The following HRH1 variants were observed in gnomAD, a reference collection of about 807,000 sequenced individuals.
The protein encoded by HRH1 is histamine receptor H1.
In HRH1, 6 loss-of-function variants were observed where a neutral mutation model predicts 10.3. The observed-to-expected ratio is 0.58, with a 90% CI of 0.32 to 1.15. The LOEUF (loss-of-function observed/expected upper bound fraction) is 1.15, where lower values mean the gene tolerates loss of function less well. HRH1 is among the 50% of genes most tolerant of loss of function. The pLI, the probability that HRH1 is intolerant of heterozygous loss-of-function variation, is 0.05. For missense variants in HRH1, 514 were observed against 615.3 expected, an observed-to-expected ratio of 0.84 and a Z score of 1.74; for synonymous variants, 242 against 236.7, an observed-to-expected ratio of 1.02 and a Z score of -0.21.
At chr3:11,250,034 CTTTTTTTTTTTTT>C (rs71055856) in intron 1 of HRH1, among the ~76,000 whole-genome samples, 2 of 60,764 alleles carry the variant, frequency 3.3e-5, no homozygotes, top group Admixed American at 2.4e-4. Context: ...AAGCTTTTCT[CTTTTTTTTTTTTT>C]TTTTTTTTTT....
At position 11,262,822 on chromosome 3, in the gene HRH1, A is replaced by G. The variant is rs202169608; in HGVS notation, c.*2321A>G. On this transcript the variant is annotated 3_prime_UTR_variant, in exon 2 of 2. Coordinates refer to ENST00000431010, the MANE Select transcript of HRH1 (RefSeq NM_001098212.2). ...TACCAGCGTCTAAGGAACAAGGTCT[A>G]TGCATTATTGTATACAGTGTCTCTA... The G allele has an allele frequency of 1.2e-5, 2 of 167,150 alleles. No homozygotes were observed. Among genetic ancestry groups the G allele is most frequent in the African/African-American group, 4.8e-5 (2 of 41,480 alleles). The allele number at this position is 167,150 out of a possible 1,614,324, so 10.4% of individuals were successfully genotyped here. A position where few individuals can be genotyped will look rare whatever the true frequency, so the allele number is the denominator to read the frequency against.
intron 1 of HRH1, among the ~76,000 whole-genome samples, chr3:11,231,163 T>A (rs758043640): frequency 2.6e-5 from 4 of 152,226 alleles, no homozygotes. Flanking sequence ...TCCAAGTTGA[T>A]GGGAATAGGA....
chr3:11,153,493 C>T (rs1406042104), upstream of HRH1, among the ~76,000 whole-genome samples: 2 of 151,926 alleles, frequency 1.3e-5, no homozygotes, highest in Non-Finnish European at 2.9e-5. Flanking sequence ...CCCCTCTGAC[C>T]CCCACCCCCA....
At chr3:11,222,590 T>G (rs1575024595) in intron 1 of HRH1, among the ~76,000 whole-genome samples, 1 of 150,978 alleles carries the variant, frequency 6.6e-6, no homozygotes. Context: ...AAAGCAGGAG[T>G]GAAGCAGATA....
At chr3:11,237,830 C>T (rs1939228758) in intron 1 of HRH1, among the ~76,000 whole-genome samples, 1 of 151,908 alleles carries the variant, frequency 6.6e-6, no homozygotes, top group African/African-American at 2.4e-5. Context: ...CATGCGCCAC[C>T]ACGCCCTGCT....
intron 1 of HRH1, among the ~76,000 whole-genome samples, chr3:11,223,058 G>A (rs749069399): frequency 2.0e-5 from 3 of 151,752 alleles, no homozygotes; most frequent in Non-Finnish European, 2.9e-5. Flanking sequence ...GGTGGCGCGT[G>A]CCTGTAGTCC....
chr3:11,249,952 T>A (rs1349510769), intron 1 of HRH1, among the ~76,000 whole-genome samples: 2 of 151,754 alleles, frequency 1.3e-5, no homozygotes, highest in Admixed American at 6.6e-5. Context: ...TTGAGGTGAG[T>A]TAGACTTAGT....
intron 1 of HRH1, among the ~76,000 whole-genome samples, chr3:11,218,681 T>G (rs1192116073): frequency 6.6e-6 from 1 of 151,698 alleles, no homozygotes; most frequent in African/African-American, 2.4e-5. Context: ...GTTCAAGTGA[T>G]TCTCCTGCCT....
chr3:11,187,943 T>A (rs191629702), intron 1 of HRH1, among the ~76,000 whole-genome samples: 4 of 152,354 alleles, frequency 2.6e-5, no homozygotes, highest in Admixed American at 2.6e-4. Flanking sequence ...TTCAATTTCA[T>A]CTCATTTTTC....
chr3:11,212,522 C>T (rs78001668), intron 1 of HRH1, among the ~76,000 whole-genome samples: 3,560 of 152,282 alleles, frequency 0.023, 56 homozygotes, highest in South Asian at 0.046. Flanking sequence ...GGGCCCTACA[C>T]AGTCCTGTGC....
chr3:11,149,086 G>C (rs1936537627), intron 1 of HRH1, among the ~76,000 whole-genome samples: 3 of 152,138 alleles, frequency 2.0e-5, no homozygotes, highest in South Asian at 4.1e-4. Context: ...CCCACAGCAG[G>C]CCTCCGCAAA....
At chr3:11,145,839 C>A (rs1217378490) in intron 1 of HRH1, among the ~76,000 whole-genome samples, 1 of 152,072 alleles carries the variant, frequency 6.6e-6, no homozygotes, top group Non-Finnish European at 1.5e-5. Flanking sequence ...GATATGTTTA[C>A]TTTTTTGTGT....
At chr3:11,216,743 G>T (rs1189808126) in intron 1 of HRH1, among the ~76,000 whole-genome samples, 1 of 152,170 alleles carries the variant, frequency 6.6e-6, no homozygotes, top group African/African-American at 2.4e-5. Context: ...AGCTGGACAT[G>T]CTGGCATGTG....
Position 11,260,208 on chromosome 3 carries a change from T to C in HRH1, c.1171T>C (p.Trp391Arg). Residue 391 changes from tryptophan (W) to arginine (R), a missense_variant, in exon 2 of 2, where the codon TGG becomes CGG. Transcript: ENST00000431010. ...NTGLDYIKFT[W>R]KRLRSHSRQY... is the part of the protein sequence containing the mutation. ...AGGCCTGGATTACATCAAGTTTACT[T>C]GGAAGAGGCTCCGCTCGCATTCAAG... The C allele has an allele frequency of 1.2e-6, 2 of 1,614,060 alleles. No individual in the cohort carries two copies. The highest frequency in any genetic ancestry group is 1.7e-6 in the Non-Finnish European group (2 of 1,180,034).
chr3:11,206,912 G>A (rs1006864970), intron 1 of HRH1, among the ~76,000 whole-genome samples: 2 of 152,200 alleles, frequency 1.3e-5, no homozygotes, highest in African/African-American at 4.8e-5. Context: ...GAGCTGAGGA[G>A]GGGGAAGCTG....
Position 11,239,842 on chromosome 3 carries a change from A to G in HRH1, c.-35-19161A>G, listed in dbSNP as rs1418863391. 4.0e-5 allele frequency among the ~76,000 whole-genome samples: 6 copies of G among 150,894 alleles called. No individual in the cohort carries two copies. The South Asian group carries it at 1.3e-3, about 32-fold the overall frequency. ...CCCCCACCCCCACTTAACCCCACTT[A>G]TAAAATCTGGAGATTTTGCATGAAA... On this transcript the variant is annotated intron_variant, in intron 1 of 1. Transcript: ENST00000431010.
chr3:11,214,708 T>C lies in HRH1; in HGVS notation c.-35-44295T>C, dbSNP rs562981415. On this transcript the variant is annotated intron_variant, in intron 1 of 1. Transcript: ENST00000431010. Reference sequence around the variant, plus strand: ...GCCAGGACTTTAGACACTTTGTATATGTTTAATTTTCTACCTGATTTTTTT... The same window carrying C: ...GCCAGGACTTTAGACACTTTGTATACGTTTAATTTTCTACCTGATTTTTTT... Among the ~76,000 whole-genome samples, 13 of 152,366 alleles carry C rather than the reference T, an allele frequency of 8.5e-5. No individual in the cohort carries two copies. In the South Asian group the frequency reaches 2.7e-3, roughly 32 times the overall value.
intron 1 of HRH1, among the ~76,000 whole-genome samples, chr3:11,238,182 T>G (rs1939239203): frequency 6.6e-6 from 1 of 152,168 alleles, no homozygotes; most frequent in Admixed American, 6.5e-5. Context: ...TCAAACAAGT[T>G]CAATCTCTTA....
chr3:11,202,916 C>T (rs773731831), intron 1 of HRH1, among the ~76,000 whole-genome samples: 1 of 152,198 alleles, frequency 6.6e-6, no homozygotes, highest in Non-Finnish European at 1.5e-5. Context: ...TTCATCCCTT[C>T]CCCTGCCCAA....
Sources: gnomAD v4.1 joint callset for allele counts (sites outside exome capture counted in the v4.1 genomes callset) on GRCh38, gnomAD v4.1.1 for gene constraint, MANE v1.5 for transcripts, NCBI Gene and HGNC (gene_info 2026-07-23, HGNC 2026-07-21) for gene names.